The following FHIP2B variants were observed in gnomAD, a reference collection of about 807,000 sequenced individuals.
The protein encoded by FHIP2B is FHF complex subunit HOOK-interacting protein 2B.
A neutral mutation model predicts 84.0 loss-of-function variants in FHIP2B; 72 were observed. That is an observed-to-expected ratio of 0.86 (90% CI 0.71 to 1.04). The LOEUF is 1.04. FHIP2B is among the 50% of genes least tolerant of loss of function. The pLI is 0.00. For missense variants in FHIP2B, 972 were observed against 968.9 expected (o/e 1.00, Z -0.04); for synonymous variants, 497 against 418.7 (o/e 1.19, Z -2.28).
chr8:22,098,709 G>C (rs975162098), intron 7 of FHIP2B, 90 bp downstream of exon 7: 1 of 1,343,122 alleles, frequency 7.4e-7, no homozygotes, highest in South Asian at 1.5e-5. Flanking sequence ...GGGGTTCCAC[G>C]TTGCTAGGGA....
Position 22,097,722 on chromosome 8 carries a change from C to G in FHIP2B, c.408C>G (p.Leu136=). ...YLSVHRPVQK[L]LRLGGTASGS... ...CTGTCCTGGTGCTCTTCCAGAAACT[C>G]CTCCGACTTGGTGGGACTGCTTCCG... The change falls in exon 5 of 17, where the codon CTC becomes CTG. Residue 136 remains leucine, a synonymous_variant. Transcript: ENST00000289921. The G allele has an allele frequency of 1.2e-6, 2 of 1,613,034 alleles. No homozygotes were observed. The highest frequency in any genetic ancestry group is 1.7e-6 in the Non-Finnish European group (2 of 1,179,684).
intron 12 of FHIP2B, 198 bp from the exon 13 acceptor site, chr8:22,101,242 C>T (rs1297492873): frequency 1.1e-5 from 7 of 636,974 alleles, no homozygotes; most frequent in South Asian, 6.0e-5. Flanking sequence ...AGGCAGGTCT[C>T]GAACTCCTGA....
Position 22,104,354 on chromosome 8 carries a change from C to A in FHIP2B, c.*1423C>A, listed in dbSNP as rs1586355144. On this transcript the variant is annotated 3_prime_UTR_variant, in exon 17 of 17. Transcript: ENST00000289921. ...TGCACGGTGTCTTCCCCGGACAGCA[C>A]AGCAATAAATGGTGTGATTGCGTGG... The A allele has an allele frequency of 1.3e-5, 2 of 152,546 alleles. No individual in the cohort carries two copies. The highest frequency in any genetic ancestry group is 6.5e-5 in the Admixed American group (1 of 15,290). The allele number at this position is 152,546 out of a possible 1,614,324, so 9.4% of individuals were successfully genotyped here. A position where few individuals can be genotyped will look rare whatever the true frequency, so the allele number is the denominator to read the frequency against.
intron 10 of FHIP2B, 63 bp downstream of exon 10, chr8:22,099,956 A>G (rs1012426379): frequency 1.6e-5 from 23 of 1,466,072 alleles, no homozygotes; most frequent in Admixed American, 2.9e-5. Flanking sequence ...TTTCCTGAAC[A>G]CTCTTCCCAT....
In FHIP2B at chr8:22,097,488, C is replaced by CT. The variant is rs778106957; in HGVS notation, c.298-27dup. Reference sequence around the variant, plus strand: ...CATGCGGCAGGCAGGGGACACGGCTCTGACAGGCGCTCTGTCCCTGGCCTC... The same window carrying CT: ...CATGCGGCAGGCAGGGGACACGGCTCTTGACAGGCGCTCTGTCCCTGGCCTC... On this transcript the variant is annotated intron_variant, in intron 3 of 16. Coordinates refer to ENST00000289921, the MANE Select transcript of FHIP2B (RefSeq NM_022749.7). 1.0e-5 allele frequency: 16 copies of CT among 1,570,554 alleles called. No homozygotes were observed. The African/African-American group carries it at 1.4e-4, about 13-fold the overall frequency.
chr8:22,100,734 C>T lies in FHIP2B; in HGVS notation c.1482C>T (p.Asp494=). 1 of 1,603,768 alleles carries T rather than the reference C, an allele frequency of 6.2e-7. No homozygotes were observed. Among genetic ancestry groups the T allele is most frequent in the Non-Finnish European group, 8.5e-7 (1 of 1,173,870 alleles). The stretch of plus-strand genomic sequence containing the variant: ...CACCAGAGCCTGAGAGCTATGAGGA[C>T]ACCCTGTAAGTGAAACCGGCGCCCT... ...WGSPEPESYE[D]TLDLEEDPYF... is the part of the protein sequence containing the mutation. Residue 494 remains aspartate, a synonymous_variant, in exon 11 of 17, where the codon GAC becomes GAT. Transcript: ENST00000289921.
rs1308740762 is a variant in FHIP2B at position 22,104,654 on chromosome 8, G to A, written c.*1723G>A. On this transcript the variant is annotated 3_prime_UTR_variant, in exon 17 of 17. Transcript: ENST00000289921. The stretch of plus-strand genomic sequence containing the variant: ...ACCCCGGAGACACCATGAGGGAATG[G>A]ACCACGTGGGAGCATCTGTGTGCAA... The A allele has an allele frequency of 6.6e-6, 1 of 152,160 alleles. No individual in the cohort carries two copies. 9.4% of individuals were successfully genotyped at this position (152,160 alleles called of 1,614,324 possible).
At chr8:22,098,644 G>A (rs577524598) in intron 7 of FHIP2B, 25 bp downstream of exon 7, 137 of 1,516,294 alleles carry the variant, frequency 9.0e-5, no homozygotes, top group African/African-American at 4.3e-4. Flanking sequence ...CGGGAAGGCC[G>A]GCCAGCATCT....
intron 1 of FHIP2B, among the ~76,000 whole-genome samples, chr8:22,092,152 T>G (rs6557791): frequency 6.6e-6 from 1 of 152,074 alleles, no homozygotes; most frequent in East Asian, 1.9e-4. Context: ...CCCTGCGGAC[T>G]GAGGGGAGTT....
intron 2 of FHIP2B, 87 bp downstream of exon 2, chr8:22,094,605 GA>G (rs755801323): frequency 2.0e-5 from 32 of 1,586,138 alleles, no homozygotes; most frequent in Non-Finnish European, 2.6e-5. Context: ...GGTGTCCTGG[GA>G]AAGGTAACCT....
rs1826162255 is a variant in FHIP2B at position 22,102,238 on chromosome 8, C to T, written c.1915C>T (p.His639Tyr). 1 of 1,613,376 alleles carries T rather than the reference C, an allele frequency of 6.2e-7. No individual in the cohort carries two copies. Among genetic ancestry groups the T allele is most frequent in the African/African-American group, 1.3e-5 (1 of 75,058 alleles). ...LSRLALFPHP[H>Y]IHEYLLDPYI... ...CCGGCTTGCCCTCTTCCCCCACCCC[C>T]ATATTCATGAGTACCTGCTGGATCC... Residue 639 changes from histidine (H) to tyrosine (Y), a missense_variant, in exon 15 of 17, where the codon CAT becomes TAT. By Grantham distance (83) the His-to-Tyr change is moderately conservative. Coordinates refer to ENST00000289921, the MANE Select transcript of FHIP2B (RefSeq NM_022749.7).
At chr8:22,099,944 G>T (rs1452906499) in intron 10 of FHIP2B, 51 bp downstream of exon 10, 2 of 1,508,314 alleles carry the variant, frequency 1.3e-6, no homozygotes, top group South Asian at 1.3e-5. Context: ...CTGCCAGAGG[G>T]ATTTCCTGAA....
chr8:22,095,931 G>A, intron 2 of FHIP2B: 1 of 157,024 alleles, frequency 6.4e-6, no homozygotes, highest in Non-Finnish European at 1.4e-5. Flanking sequence ...TCTCTCTCAG[G>A]CAGCTGCTGG....
Position 22,103,247 on chromosome 8 carries a change from T to G in FHIP2B, c.*316T>G, listed in dbSNP as rs1201596256. On this transcript the variant is annotated 3_prime_UTR_variant, in exon 17 of 17. Transcript: ENST00000289921. ...GCCTGGCCCCTTCTGTACTGGCCAT[T>G]TGTGGCCAGGGCCAAGCCTGTGACT... 2 of 305,736 alleles carry G rather than the reference T, an allele frequency of 6.5e-6. No homozygotes were observed. Among genetic ancestry groups the G allele is most frequent in the East Asian group, 1.4e-4 (2 of 14,016 alleles). The allele number at this position is 305,736 out of a possible 1,614,324, so 18.9% of individuals were successfully genotyped here.
In FHIP2B at chr8:22,104,754, T is replaced by G. The variant is rs1826301376; in HGVS notation, c.*1823T>G. The G allele has an allele frequency of 6.6e-6, 1 of 151,640 alleles. No individual in the cohort carries two copies. 9.4% of individuals were successfully genotyped at this position (151,640 alleles called of 1,614,324 possible). On this transcript the variant is annotated 3_prime_UTR_variant, in exon 17 of 17. Coordinates refer to ENST00000289921, the MANE Select transcript of FHIP2B (RefSeq NM_022749.7). ...TAAAGTAGGCCTGATATTTAAAACC[T>G]TGTCTTTAAGTTCAAGGCTGCAGTG...
In FHIP2B at chr8:22,089,157, T is replaced by G; in HGVS notation, c.-97T>G. ...GCGGAGCGGCCGGGCCCCGCCCCCC[T>G]CGTCGCGCCGGGGCCGCCGGGGCCA... On this transcript the variant is annotated 5_prime_UTR_variant, in exon 1 of 17. Coordinates refer to ENST00000289921, the MANE Select transcript of FHIP2B (RefSeq NM_022749.7). 1.3e-6 allele frequency: 1 copy of G among 756,550 alleles called. No individual in the cohort carries two copies. The allele number at this position is 756,550 out of a possible 1,614,324, so 46.9% of individuals were successfully genotyped here.
chr8:22,100,540 C>A, intron 10 of FHIP2B, 54 bp from the exon 11 acceptor site: 2 of 1,482,590 alleles, frequency 1.3e-6, no homozygotes, highest in South Asian at 2.8e-5. Context: ...GCCAAGGCAC[C>A]CCTGGGAGCT....
At chr8:22,097,158 G>A in intron 3 of FHIP2B, 1 of 335,698 alleles carries the variant, frequency 3.0e-6, no homozygotes. Context: ...AAGGGGTTGT[G>A]AGTGCCAGGA....
chr8:22,098,775 C>T (rs1221619789), intron 7 of FHIP2B, among the ~76,000 whole-genome samples, 156 bp downstream of exon 7: 2 of 152,170 alleles, frequency 1.3e-5, no homozygotes, highest in Non-Finnish European at 1.5e-5. Flanking sequence ...GGACTTCTTG[C>T]CCTCCAGGGA....
Sources: allele counts gnomAD v4.1 joint callset (sites outside exome capture counted in the v4.1 genomes callset), GRCh38; gene constraint gnomAD v4.1.1; transcripts MANE v1.5; gene names NCBI Gene and HGNC (gene_info 2026-07-23, HGNC 2026-07-21).